Variants in EBF1 observed in about 807,000 individuals in gnomAD.
The protein encoded by EBF1 is transcription factor COE1.
A neutral mutation model predicts 68.4 loss-of-function variants in EBF1; 10 were observed. The observed-to-expected ratio is 0.15, with a 90% CI of 0.09 to 0.25. The LOEUF (loss-of-function observed/expected upper bound fraction) is 0.25. Among genes scored for constraint, EBF1 ranks in the 10% least tolerant of loss-of-function variants. The pLI is 1.00. For synonymous variants in EBF1, 298 were observed against 299.8 expected (o/e 0.99, Z 0.06); for missense variants, 509 against 794.4 (o/e 0.64, Z 4.32).
intron 6 of EBF1, among the ~76,000 whole-genome samples, chr5:158,852,700 CA>C (rs751477697): frequency 2.4e-4 from 37 of 152,222 alleles, no homozygotes; most frequent in Non-Finnish European, 4.4e-4. Context: ...AATCATAATG[CA>C]AAATAGAGTC....
intron 9 of EBF1, among the ~76,000 whole-genome samples, chr5:158,788,575 G>C (rs932332742): frequency 6.6e-6 from 1 of 152,132 alleles, no homozygotes; most frequent in African/African-American, 2.4e-5. Flanking sequence ...AAGGTAGAAG[G>C]CTTTATTTAG....
At chr5:158,967,925 T>A (rs2127552117) in intron 6 of EBF1, among the ~76,000 whole-genome samples, 1 of 152,292 alleles carries the variant, frequency 6.6e-6, no homozygotes, top group East Asian at 1.9e-4. Context: ...TTGAGAACAA[T>A]GGCTTAGTAT....
At position 158,961,204 on chromosome 5, in the gene EBF1, C is replaced by T. The variant is rs1351587139; in HGVS notation, c.554+112192G>A. ...ACGCCAGTGAACTGCACTGTCTTAACACATAGTGAAAGTGTAAACAGTATA... is the reference window on the plus strand; with the variant it reads ...ACGCCAGTGAACTGCACTGTCTTAATACATAGTGAAAGTGTAAACAGTATA... On this transcript the variant is annotated intron_variant, in intron 6 of 15. Coordinates refer to ENST00000313708, the MANE Select transcript of EBF1 (RefSeq NM_024007.5). Among the ~76,000 whole-genome samples the T allele has an allele frequency of 1.1e-4, 17 of 152,116 alleles. 1 individual carries two copies. Among genetic ancestry groups the T allele is most frequent in the Non-Finnish European group, 2.4e-4 (16 of 68,026 alleles).
chr5:159,056,977 G>A (rs1437686105), intron 6 of EBF1, among the ~76,000 whole-genome samples: 2 of 152,040 alleles, frequency 1.3e-5, no homozygotes, highest in Non-Finnish European at 1.5e-5. Flanking sequence ...GACATAGTAT[G>A]AACAAGCACA....
chr5:158,983,091 C>G (rs1205059986), intron 6 of EBF1: 2 of 152,132 alleles, frequency 1.3e-5, no homozygotes, highest in African/African-American at 4.8e-5. Flanking sequence ...TAGTAGGTCT[C>G]TTGTCAGAAA....
At chr5:158,989,502 C>T (rs572025974) in intron 6 of EBF1, among the ~76,000 whole-genome samples, 5 of 152,282 alleles carry the variant, frequency 3.3e-5, no homozygotes, top group Non-Finnish European at 5.9e-5. Context: ...GTGTAATCCA[C>T]CACCATTTAA....
At chr5:159,093,492 C>G (rs1211273790) in intron 4 of EBF1, among the ~76,000 whole-genome samples, 1 of 152,066 alleles carries the variant, frequency 6.6e-6, no homozygotes, top group Non-Finnish European at 1.5e-5. Flanking sequence ...TAATCTTGTT[C>G]TTATTCCTCT....
chr5:158,904,331 A>G (rs1804092883), intron 6 of EBF1, among the ~76,000 whole-genome samples: 1 of 152,202 alleles, frequency 6.6e-6, no homozygotes, highest in South Asian at 2.1e-4. Context: ...GTTCCCAGCC[A>G]CGTGTGCTGC....
At chr5:158,935,584 A>G (rs557785221) in intron 6 of EBF1, among the ~76,000 whole-genome samples, 1 of 152,334 alleles carries the variant, frequency 6.6e-6, no homozygotes, top group Non-Finnish European at 1.5e-5. Flanking sequence ...CCATCTCCCA[A>G]AAAAGGCATT....
At chr5:159,051,388 C>T (rs1322473046) in intron 6 of EBF1, among the ~76,000 whole-genome samples, 1 of 134,078 alleles carries the variant, frequency 7.5e-6, no homozygotes, top group South Asian at 2.7e-4. Flanking sequence ...CGCTAGGCCC[C>T]GCCTCGGGCC....
intron 6 of EBF1, among the ~76,000 whole-genome samples, chr5:159,071,801 A>C (rs1261728996): frequency 6.6e-6 from 1 of 152,126 alleles, no homozygotes; most frequent in African/African-American, 2.4e-5. Flanking sequence ...CATCTAAACC[A>C]AAAGGAACTA....
chr5:158,885,370 G>C (rs1369663078), intron 6 of EBF1, among the ~76,000 whole-genome samples: 1 of 152,214 alleles, frequency 6.6e-6, no homozygotes, highest in Non-Finnish European at 1.5e-5. Context: ...ACACGAGAAA[G>C]AGAAGTGGAC....
intron 6 of EBF1, among the ~76,000 whole-genome samples, chr5:158,900,531 CTG>C: frequency 6.6e-6 from 1 of 152,314 alleles, no homozygotes; most frequent in East Asian, 1.9e-4. Context: ...TTGTACAACT[CTG>C]TTTTTTTCAA....
At chr5:158,924,729 T>C (rs2127416349) in intron 6 of EBF1, among the ~76,000 whole-genome samples, 1 of 151,692 alleles carries the variant, frequency 6.6e-6, no homozygotes. Context: ...GGCGGGCGCC[T>C]GTAGTCCCAG....
chr5:159,098,719 A>G (rs1383856663), intron 1 of EBF1, among the ~76,000 whole-genome samples: 1 of 151,032 alleles, frequency 6.6e-6, no homozygotes, highest in African/African-American at 2.4e-5. Flanking sequence ...GAGAGACAGG[A>G]AAGAACGAAG....
chr5:158,762,692 C>T (rs1333104441), intron 10 of EBF1, among the ~76,000 whole-genome samples: 2 of 152,164 alleles, frequency 1.3e-5, no homozygotes, highest in South Asian at 2.1e-4. Context: ...CCCGCCACTG[C>T]GCCCAGCTAC....
chr5:158,734,705 A>G (rs928285989), intron 10 of EBF1, among the ~76,000 whole-genome samples: 2 of 152,178 alleles, frequency 1.3e-5, no homozygotes, highest in African/African-American at 4.8e-5. Flanking sequence ...CAAACTTGGG[A>G]CAATTCCGAG....
In EBF1 at chr5:158,736,030, C is replaced by T. The variant is rs1007718611; in HGVS notation, c.1037-4873G>A. Among the ~76,000 whole-genome samples, 4 of 152,220 alleles carry T rather than the reference C, an allele frequency of 2.6e-5. No individual in the cohort carries two copies. In the South Asian group the frequency reaches 6.2e-4, roughly 24 times the overall value. ...CAAGCTTCTAAAATTCAATTGAAAA[C>T]TCATAATAATGAGTGAATTCTAACC... On this transcript the variant is annotated intron_variant, in intron 10 of 15. Transcript: ENST00000313708.
At chr5:158,805,806 A>G (rs1177262908) in intron 8 of EBF1, among the ~76,000 whole-genome samples, 1 of 151,946 alleles carries the variant, frequency 6.6e-6, no homozygotes, top group Non-Finnish European at 1.5e-5. Flanking sequence ...TATAATTCCA[A>G]TTGGATGAAT....
Sources: allele counts gnomAD v4.1 joint callset (sites outside exome capture counted in the v4.1 genomes callset), GRCh38; gene constraint gnomAD v4.1.1; transcripts MANE v1.5; gene names NCBI Gene and HGNC (gene_info 2026-07-23, HGNC 2026-07-21).